The following PIBF1 variants were observed in gnomAD, a reference collection of about 807,000 sequenced individuals.
The protein encoded by PIBF1 is progesterone-induced-blocking factor 1.
In PIBF1, 90 loss-of-function variants were observed where a neutral mutation model predicts 112.5. That is an observed-to-expected ratio of 0.80 (90% CI 0.67 to 0.95). The LOEUF (loss-of-function observed/expected upper bound fraction) is 0.95. Among genes scored for constraint, PIBF1 ranks in the 40% least tolerant of loss-of-function variants. The pLI, the probability that PIBF1 is intolerant of heterozygous loss-of-function variation, is 0.00. For synonymous variants in PIBF1, 301 were observed against 288.6 expected (o/e 1.04, Z -0.44); for missense variants, 915 against 852.3 (o/e 1.07, Z -0.92).
chr13:72,840,945 A>G (rs1330309833), intron 9 of PIBF1, among the ~76,000 whole-genome samples: 2 of 152,228 alleles, frequency 1.3e-5, no homozygotes, highest in Non-Finnish European at 2.9e-5. Context: ...CTTCTTTAAT[A>G]TGGAAAAGGC....
Position 72,931,120 on chromosome 13 carries a change from A to G in PIBF1, c.1731-45A>G, listed in dbSNP as rs1320397423. 4.5e-6 allele frequency: 5 copies of G among 1,103,024 alleles called. No homozygotes were observed. In the African/African-American group the frequency reaches 7.8e-5, roughly 17 times the overall value. The allele number at this position is 1,103,024 out of a possible 1,614,324, so 68.3% of individuals were successfully genotyped here. A position where few individuals can be genotyped will look rare whatever the true frequency, so the allele number is the denominator to read the frequency against. On this transcript the variant is annotated intron_variant, in intron 13 of 17. Coordinates refer to ENST00000326291, the MANE Select transcript of PIBF1 (RefSeq NM_006346.4). The stretch of plus-strand genomic sequence containing the variant: ...CAAACACATTTTGAATATTTTGGGC[A>G]GTATTTCACTTTTAAGCATTAATTT...
rs1593867417 is a variant in PIBF1, at chr13:72,783,564, A to G, written c.95A>G (p.Asp32Gly). 2 of 1,613,948 alleles carry G rather than the reference A, an allele frequency of 1.2e-6. No homozygotes were observed. Among genetic ancestry groups the G allele is most frequent in the African/African-American group, 1.3e-5 (1 of 74,952 alleles). Residue 32 changes from aspartate to glycine, a missense_variant, in exon 2 of 18, where the codon GAT becomes GGT. By Grantham distance (94) the Asp-to-Gly change is moderately conservative. Transcript: ENST00000326291. The stretch of plus-strand genomic sequence containing the variant: ...AGTTTAGAAACAACAGTTCCTACGG[A>G]TGATATTTCCTCATCAGAAGAGCGA... ...DISLETTVPT[D>G]DISSSEEREG...
intron 3 of PIBF1, among the ~76,000 whole-genome samples, chr13:72,792,784 A>G (rs1049556392): frequency 2.0e-5 from 3 of 152,190 alleles, no homozygotes; most frequent in African/African-American, 7.2e-5. Context: ...ACCATATATG[A>G]TAAAGGAAGC....
intron 10 of PIBF1, among the ~76,000 whole-genome samples, chr13:72,863,841 G>A (rs1160425802): frequency 6.6e-6 from 1 of 152,172 alleles, no homozygotes; most frequent in Admixed American, 6.5e-5. Flanking sequence ...CTTTACGTGT[G>A]AGATTTCCAA....
chr13:72,827,610 C>T (rs2036879579), intron 7 of PIBF1, 123 bp from the exon 8 acceptor site: 1 of 545,144 alleles, frequency 1.8e-6, no homozygotes, highest in Non-Finnish European at 3.1e-6. Flanking sequence ...TAAGAATTAG[C>T]CCTTTTTAAA....
intron 16 of PIBF1, among the ~76,000 whole-genome samples, chr13:72,981,742 A>C (rs2043162978): frequency 6.6e-6 from 1 of 152,238 alleles, no homozygotes; most frequent in South Asian, 2.1e-4. Flanking sequence ...TTAGCACCCC[A>C]GGTGTAAACA....
intron 14 of PIBF1, among the ~76,000 whole-genome samples, chr13:72,959,622 C>G (rs1316079561): frequency 2.6e-5 from 4 of 152,138 alleles, no homozygotes; most frequent in Admixed American, 2.6e-4. Flanking sequence ...GTAGGAAAAA[C>G]ATGCAGCAAA....
At chr13:72,970,249 A>T (rs1431401077) in intron 15 of PIBF1, among the ~76,000 whole-genome samples, 1 of 152,190 alleles carries the variant, frequency 6.6e-6, no homozygotes, top group African/African-American at 2.4e-5. Flanking sequence ...GTCACTATTA[A>T]CTGCTTTAAA....
At chr13:72,842,701 A>G (rs879384704) in intron 9 of PIBF1, among the ~76,000 whole-genome samples, 29 of 152,178 alleles carry the variant, frequency 1.9e-4, no homozygotes, top group Middle Eastern at 3.2e-3. Flanking sequence ...CAAACAAACA[A>G]ACTTCTTTTG....
chr13:72,945,703 A>G (rs1386945788), intron 14 of PIBF1, among the ~76,000 whole-genome samples: 3 of 152,242 alleles, frequency 2.0e-5, no homozygotes, highest in African/African-American at 7.2e-5. Context: ...TTATATTCAA[A>G]TTAGAGAATA....
intron 12 of PIBF1, among the ~76,000 whole-genome samples, chr13:72,912,512 A>T (rs1393731382): frequency 6.6e-6 from 1 of 152,200 alleles, no homozygotes; most frequent in Non-Finnish European, 1.5e-5. Flanking sequence ...GAAATTAGAA[A>T]GACTGACTAT....
intron 10 of PIBF1, among the ~76,000 whole-genome samples, chr13:72,875,192 G>A (rs772312213): frequency 5.5e-4 from 83 of 151,942 alleles, no homozygotes; most frequent in Admixed American, 2.8e-3. Context: ...TTTTTACTTA[G>A]TAGTGTGCAT....
At chr13:72,835,412 G>A in intron 9 of PIBF1, 44 bp downstream of exon 9, 2 of 1,445,042 alleles carry the variant, frequency 1.4e-6, no homozygotes, top group Non-Finnish European at 9.3e-7. Context: ...TTTATCTTTG[G>A]AGGTTTTAGA....
chr13:72,787,023 G>A (rs976922698), intron 2 of PIBF1, among the ~76,000 whole-genome samples: 1 of 152,140 alleles, frequency 6.6e-6, no homozygotes, highest in African/African-American at 2.4e-5. Context: ...ATGTGAGAAA[G>A]TGTGAGTCTG....
At position 72,817,954 on chromosome 13, in the gene PIBF1, A is replaced by G. The variant is rs367678057; in HGVS notation, c.673-3895A>G. Reference sequence around the variant, plus strand: ...CGTTTAAGGGGAAATTGTCCAATTGAAAAATTGTAAATAAAGTGCTGGTCG... The same window carrying G: ...CGTTTAAGGGGAAATTGTCCAATTGGAAAATTGTAAATAAAGTGCTGGTCG... On this transcript the variant is annotated intron_variant, in intron 5 of 17. Coordinates refer to ENST00000326291, the MANE Select transcript of PIBF1 (RefSeq NM_006346.4). Among the ~76,000 whole-genome samples the G allele has an allele frequency of 2.4e-3, 365 of 152,286 alleles. 1 individual carries two copies. The highest frequency in any genetic ancestry group is 8.2e-3 in the African/African-American group (341 of 41,572).
intron 10 of PIBF1, among the ~76,000 whole-genome samples, chr13:72,876,131 A>ATTT (rs1379154834): frequency 1.4e-4 from 4 of 27,940 alleles, no homozygotes; most frequent in Admixed American, 4.2e-4. Flanking sequence ...CTGTGTTCAG[A>ATTT]TTCTTTTTTT....
intron 10 of PIBF1, among the ~76,000 whole-genome samples, chr13:72,872,932 T>C (rs1192473466): frequency 6.6e-6 from 1 of 152,152 alleles, no homozygotes; most frequent in African/African-American, 2.4e-5. Context: ...TAAATATTGC[T>C]GAGGAAAAAC....
chr13:72,954,412 C>G (rs2042384037), intron 14 of PIBF1, among the ~76,000 whole-genome samples: 1 of 152,236 alleles, frequency 6.6e-6, no homozygotes, highest in African/African-American at 2.4e-5. Context: ...TTAGTCTCCA[C>G]TTAAAATCAT....
intron 10 of PIBF1, among the ~76,000 whole-genome samples, chr13:72,873,471 C>G (rs2039250614): frequency 6.6e-6 from 1 of 152,044 alleles, no homozygotes; most frequent in Admixed American, 6.6e-5. Flanking sequence ...GGCACGATCT[C>G]TGCTCACTGC....
Sources: allele counts gnomAD v4.1 joint callset (sites outside exome capture counted in the v4.1 genomes callset), GRCh38; gene constraint gnomAD v4.1.1; transcripts MANE v1.5; gene names NCBI Gene and HGNC (gene_info 2026-07-23, HGNC 2026-07-21).